BNC2: variants seen among roughly 807,000 people sequenced by gnomAD.
BNC2 encodes the protein basonuclin zinc finger protein 2.
BNC2 carries 20 observed loss-of-function variants against 76.3 expected under a neutral mutation model. That is an observed-to-expected ratio of 0.26 (90% CI 0.18 to 0.38). BNC2 has a LOEUF of 0.38. Ranked by LOEUF, BNC2 falls within the 10% of genes least tolerant of loss-of-function variation. The pLI is 1.00. For synonymous variants in BNC2, 582 were observed against 514.8 expected, an observed-to-expected ratio of 1.13 and a Z score of -1.77; for missense variants, 1,382 against 1,399.8, an observed-to-expected ratio of 0.99 and a Z score of 0.20.
intron 5 of BNC2, among the ~76,000 whole-genome samples, chr9:16,474,607 C>G (rs59270230): frequency 0.11 from 16,270 of 152,168 alleles, 1,163 homozygotes; most frequent in African/African-American, 0.21. Context: ...AATACACATA[C>G]TGAGAATAAA....
At chr9:16,789,409 C>G (rs1243296788) in intron 1 of BNC2, among the ~76,000 whole-genome samples, 1 of 152,088 alleles carries the variant, frequency 6.6e-6, no homozygotes, top group East Asian at 1.9e-4. Context: ...ACCCTATAGA[C>G]CCTCCCCATT....
At chr9:16,820,361 G>A (rs537270589) in intron 1 of BNC2, among the ~76,000 whole-genome samples, 1 of 152,194 alleles carries the variant, frequency 6.6e-6, no homozygotes, top group African/African-American at 2.4e-5. Flanking sequence ...AGGAGGCAGA[G>A]GTTGCAGTGA....
intron 3 of BNC2, among the ~76,000 whole-genome samples, chr9:16,646,475 C>CA (rs1563878437): frequency 6.6e-6 from 1 of 151,798 alleles, no homozygotes; most frequent in Non-Finnish European, 1.5e-5. Flanking sequence ...GAAAAACAAA[C>CA]AAAAAAAGCC....
At chr9:16,548,850 G>A (rs1284860766) in intron 5 of BNC2, among the ~76,000 whole-genome samples, 1 of 152,120 alleles carries the variant, frequency 6.6e-6, no homozygotes, top group Non-Finnish European at 1.5e-5. Context: ...ACTTTAATAA[G>A]TACACAGGAG....
chr9:16,594,108 A>G (rs547010545), intron 3 of BNC2, among the ~76,000 whole-genome samples: 1 of 152,294 alleles, frequency 6.6e-6, no homozygotes, highest in East Asian at 1.9e-4. Flanking sequence ...TTATAATGAG[A>G]TGCAAAAAGA....
At chr9:16,605,094 C>T (rs190874263) in intron 3 of BNC2, among the ~76,000 whole-genome samples, 377 of 152,224 alleles carry the variant, frequency 2.5e-3, no homozygotes, top group African/African-American at 8.7e-3. Context: ...GTCAGTATTT[C>T]AAAAGGAACA....
In BNC2 at chr9:16,435,802, C is replaced by G; in HGVS notation, c.2392G>C (p.Gly798Arg). The G allele has an allele frequency of 6.2e-7, 1 of 1,614,156 alleles. No homozygotes were observed. The highest frequency in any genetic ancestry group is 8.5e-7 in the Non-Finnish European group (1 of 1,180,038). The change falls in exon 6 of 7, where the codon GGT becomes CGT. Residue 798 changes from glycine to arginine, a missense_variant. This residue lies in a region of BNC2 where 798 missense variants were observed against 775.5 expected (regional missense o/e 1.03). Coordinates refer to ENST00000380672, the MANE Select transcript of BNC2 (RefSeq NM_017637.6). Reference sequence around the variant, plus strand: ...TCATGCAAGGCGGCCATGCTGGCACCCCCACCATTGTACAGTCCATACTGG... The same window carrying G: ...TCATGCAAGGCGGCCATGCTGGCACGCCCACCATTGTACAGTCCATACTGG... ...MSQYGLYNGG[G>R]ASMAALHESF... is the part of the protein sequence containing the mutation.
chr9:16,598,267 C>T (rs1052992612), intron 3 of BNC2, among the ~76,000 whole-genome samples: 1 of 151,902 alleles, frequency 6.6e-6, no homozygotes, highest in African/African-American at 2.4e-5. Flanking sequence ...AAAATAAAAG[C>T]AGATAAAGCT....
intron 5 of BNC2, among the ~76,000 whole-genome samples, chr9:16,520,047 A>C (rs544923277): frequency 6.6e-6 from 1 of 152,332 alleles, no homozygotes; most frequent in East Asian, 1.9e-4. Context: ...ATGGGCAGAT[A>C]CCGACACATT....
chr9:16,741,045 A>G (rs1032594630), intron 1 of BNC2, among the ~76,000 whole-genome samples: 3 of 152,196 alleles, frequency 2.0e-5, no homozygotes, highest in Non-Finnish European at 2.9e-5. Context: ...CAGGGTGCTC[A>G]ATAAATAACA....
chr9:16,643,418 C>G (rs1347462033), intron 3 of BNC2, among the ~76,000 whole-genome samples: 2 of 151,934 alleles, frequency 1.3e-5, no homozygotes, highest in Non-Finnish European at 2.9e-5. Context: ...TCAGCAACCC[C>G]AAACATAAGT....
intron 5 of BNC2, among the ~76,000 whole-genome samples, chr9:16,499,560 C>T (rs1265891392): frequency 7.2e-6 from 1 of 138,238 alleles, no homozygotes; most frequent in East Asian, 2.1e-4. Context: ...GACAGAGTCT[C>T]ACTCTGTTGT....
intron 3 of BNC2, among the ~76,000 whole-genome samples, chr9:16,709,944 C>T (rs1018853666): frequency 6.6e-6 from 1 of 151,984 alleles, no homozygotes; most frequent in Non-Finnish European, 1.5e-5. Flanking sequence ...GGCCCAATCA[C>T]GAATAACTTC....
chr9:16,752,904 C>G (rs1825264845), intron 1 of BNC2, among the ~76,000 whole-genome samples: 1 of 152,098 alleles, frequency 6.6e-6, no homozygotes, highest in Non-Finnish European at 1.5e-5. Flanking sequence ...ATACAGTGCA[C>G]TACATTCACT....
chr9:16,618,058 G>T, intron 3 of BNC2, among the ~76,000 whole-genome samples: 1 of 152,120 alleles, frequency 6.6e-6, no homozygotes, highest in East Asian at 1.9e-4. Context: ...CAACTTTCGG[G>T]GCTACCTATT....
chr9:16,826,608 T>C (rs1249922854), intron 1 of BNC2, among the ~76,000 whole-genome samples: 1 of 152,204 alleles, frequency 6.6e-6, no homozygotes, highest in African/African-American at 2.4e-5. Flanking sequence ...ACTCTTTTAC[T>C]TTTTACTTTT....
intron 3 of BNC2, among the ~76,000 whole-genome samples, chr9:16,670,623 T>C (rs1415514581): frequency 6.6e-6 from 1 of 152,218 alleles, no homozygotes; most frequent in Non-Finnish European, 1.5e-5. Context: ...GCGTTACCTA[T>C]TCTAGATCAT....
intron 3 of BNC2, among the ~76,000 whole-genome samples, chr9:16,615,001 A>T (rs2133484010): frequency 1.0e-5 from 1 of 98,608 alleles, no homozygotes; most frequent in East Asian, 3.3e-4. Flanking sequence ...AAAAAAAAAA[A>T]AAAGCCAAGC....
intron 4 of BNC2, among the ~76,000 whole-genome samples, chr9:16,559,949 A>G (rs1485607970): frequency 2.6e-5 from 4 of 152,262 alleles, no homozygotes; most frequent in Non-Finnish European, 5.9e-5. Context: ...ACTGTGGGAC[A>G]CAGAAGAGAG....
Sources: gnomAD v4.1 joint callset for allele counts (sites outside exome capture counted in the v4.1 genomes callset) on GRCh38, gnomAD v4.1.1 for gene constraint, gnomAD v4.1.1 regional missense constraint, MANE v1.5 for transcripts, NCBI Gene and HGNC (gene_info 2026-07-23, HGNC 2026-07-21) for gene names.